PIEZO1: variants seen among roughly 807,000 people sequenced by gnomAD.
The protein encoded by PIEZO1 is piezo-type mechanosensitive ion channel component 1.
PIEZO1 carries 296 observed loss-of-function variants against 297.2 expected under a neutral mutation model. That is an observed-to-expected ratio of 1.00 (90% confidence interval 0.91 to 1.10). The LOEUF is 1.10. Among genes scored for constraint, PIEZO1 ranks in the 50% least tolerant of loss-of-function variants. PIEZO1 has a pLI of 0.00. For missense variants in PIEZO1, 5,018 were observed against 3,455.5 expected, an observed-to-expected ratio of 1.45 and a Z score of -11.34; for synonymous variants, 2,427 against 1,507.5, an observed-to-expected ratio of 1.61 and a Z score of -14.13.
chr16:88,720,332 G>T (rs1912340556), intron 41 of PIEZO1, 49 bp from the exon 42 acceptor site: 1 of 1,549,974 alleles, frequency 6.5e-7, no homozygotes. Flanking sequence ...CAGGGGATGT[G>T]GGTGGCTGCT....
chr16:88,725,094 G>A lies in PIEZO1; in HGVS notation c.4163-14C>T, dbSNP rs372180962. ...GACTGTCGGGCCCTGTGGAGGGGCA[G>A]GGTGAGCATGAGGCAGCAGTCAAGC... On this transcript the variant is annotated splice_polypyrimidine_tract_variant and intron_variant, in intron 29 of 50. Transcript: ENST00000301015. 160 of 1,503,984 alleles carry A rather than the reference G, an allele frequency of 1.1e-4. No homozygotes were observed. In the African/African-American group the frequency reaches 2.0e-3, roughly 19 times the overall value. 93.2% of individuals were successfully genotyped at this position (1,503,984 alleles called of 1,614,324 possible).
At chr16:88,771,096 A>G (rs1350537302) in intron 1 of PIEZO1, among the ~76,000 whole-genome samples, 3 of 152,128 alleles carry the variant, frequency 2.0e-5, no homozygotes, top group African/African-American at 7.2e-5. Flanking sequence ...AGTCCCGGAG[A>G]GCCAGAGCCG....
Position 88,722,630 on chromosome 16 carries a change from C to T in PIEZO1, c.4728G>A (p.Thr1576=), listed in dbSNP as rs527780635. ...DQLYTSQAEA[T]LPGPTEAPNA... ...TGGGGGCCTCGGTGGGGCCTGGCAG[C>T]GTGGCCTCGGCCTGGCTTGTGTACA... The change falls in exon 35 of 51, where the codon ACG becomes ACA. Residue 1576 remains threonine, a synonymous_variant. Coordinates refer to ENST00000301015, the MANE Select transcript of PIEZO1 (RefSeq NM_001142864.4). 9.8e-6 allele frequency: 15 copies of T among 1,538,460 alleles called. No homozygotes were observed. The African/African-American group carries it at 1.5e-4, about 15-fold the overall frequency.
intron 29 of PIEZO1, 68 bp downstream of exon 29, chr16:88,725,348 A>AGCACACGCC: frequency 1.0e-6 from 1 of 979,074 alleles, no homozygotes; most frequent in Non-Finnish European, 1.5e-6. Flanking sequence ...GCACAGACGC[A>AGCACACGCC]GCACACGCCA....
chr16:88,720,428 A>G lies in PIEZO1; in HGVS notation c.5906T>C (p.Val1969Ala), dbSNP rs774144227. ...DVYALMFLAD[V>A]VDFIIIIFGF... ...AAAAATGATGATGATGAAGTCGACA[A>G]CATCAGCCAGGAACATGAGGGCATA... Residue 1969 changes from valine (V) to alanine (A), a missense_variant, in exon 41 of 51, where the codon GTT becomes GCT. By Grantham distance (64) the Val-to-Ala change is moderately conservative. Transcript: ENST00000301015. The G allele has an allele frequency of 2.2e-5, 34 of 1,550,510 alleles. No homozygotes were observed. The highest frequency in any genetic ancestry group is 2.8e-5 in the Non-Finnish European group (32 of 1,146,934).
chr16:88,724,825 G>A (rs1027163101), intron 30 of PIEZO1, among the ~76,000 whole-genome samples, 184 bp downstream of exon 30: 12 of 152,318 alleles, frequency 7.9e-5, no homozygotes, highest in Middle Eastern at 3.4e-3. Flanking sequence ...GCCAGGAGAG[G>A]ACATAGTCAG....
intron 27 of PIEZO1, 168 bp from the exon 28 acceptor site, chr16:88,725,852 T>A (rs1429389551): frequency 1.6e-6 from 1 of 610,794 alleles, no homozygotes; most frequent in Non-Finnish European, 3.0e-6. Flanking sequence ...CTCCGTGCTG[T>A]CTGCGGCGAG....
Position 88,749,033 on chromosome 16 carries a change from C to T in PIEZO1, c.160+351G>A, listed in dbSNP as rs574991755. ...CGGGCGGATCACAAGGTCAGGAGAT[C>T]GAGACCATCCTGGCTATCACGGTGA... On this transcript the variant is annotated intron_variant, in intron 2 of 50. Coordinates refer to ENST00000301015, the MANE Select transcript of PIEZO1 (RefSeq NM_001142864.4). Among the ~76,000 whole-genome samples the T allele has an allele frequency of 6.8e-4, 102 of 150,250 alleles. 1 individual carries two copies. The Middle Eastern group carries it at 0.021, about 31-fold the overall frequency.
chr16:88,740,331 C>T (rs532737192), intron 5 of PIEZO1: 1 of 152,442 alleles, frequency 6.6e-6, no homozygotes, highest in Non-Finnish European at 1.5e-5. Context: ...CAGCTGCACA[C>T]TCAGGCTCCC....
chr16:88,729,653 C>T (rs1425622325), intron 22 of PIEZO1, among the ~76,000 whole-genome samples: 32 of 140,490 alleles, frequency 2.3e-4, no homozygotes, highest in East Asian at 2.1e-3. Context: ...GGGAACCTCG[C>T]GACCCAAAAA....
At chr16:88,726,210 CAGTG>C in intron 27 of PIEZO1, 70 bp downstream of exon 27, 2 of 1,298,242 alleles carry the variant, frequency 1.5e-6, no homozygotes, top group Non-Finnish European at 1.0e-6. Context: ...GGGCCTGAGA[CAGTG>C]AGGAACCTCC....
chr16:88,721,798 C>G lies in PIEZO1; in HGVS notation c.5214+10G>C. 1 of 1,540,338 alleles carries G rather than the reference C, an allele frequency of 6.5e-7. No homozygotes were observed. Among genetic ancestry groups the G allele is most frequent in the Non-Finnish European group, 8.7e-7 (1 of 1,143,264 alleles). ...GGCCGGGCGCCCCCTCCCCCGCGGC[C>G]TCGGCCCACCTCGGTGAAGACGATG... On this transcript the variant is annotated intron_variant, in intron 37 of 50. Transcript: ENST00000301015.
intron 1 of PIEZO1, among the ~76,000 whole-genome samples, chr16:88,771,443 G>A (rs1907421135): frequency 6.6e-6 from 1 of 152,198 alleles, no homozygotes; most frequent in African/African-American, 2.4e-5. Context: ...TGCCCTGCAG[G>A]CCCCAAGCCC....
Position 88,725,399 on chromosome 16 carries a change from A to C in PIEZO1, c.4162+17T>G. 1 of 1,394,160 alleles carries C rather than the reference A, an allele frequency of 7.2e-7. No homozygotes were observed. The highest frequency in any genetic ancestry group is 9.5e-7 in the Non-Finnish European group (1 of 1,057,356). The allele number at this position is 1,394,160 out of a possible 1,614,324, so 86.4% of individuals were successfully genotyped here. A position where few individuals can be genotyped will look rare whatever the true frequency, so the allele number is the denominator to read the frequency against. On this transcript the variant is annotated intron_variant, in intron 29 of 50. Transcript: ENST00000301015. Reference sequence around the variant, plus strand: ...CTGGACACGGGGCCCTGGGTGCCCGACTCCAGCTGCACTCACCTGGCTCCA... The same window carrying C: ...CTGGACACGGGGCCCTGGGTGCCCGCCTCCAGCTGCACTCACCTGGCTCCA...
chr16:88,732,310 G>C, intron 21 of PIEZO1, 25 bp downstream of exon 21: 1 of 1,532,510 alleles, frequency 6.5e-7, no homozygotes, highest in Non-Finnish European at 8.8e-7. Flanking sequence ...CCCTGCCCCA[G>C]GGGGAGGCAA....
Position 88,726,700 on chromosome 16 carries a change from G to GT in PIEZO1, c.3699+14_3699+15insA. 6.5e-7 allele frequency: 1 copy of GT among 1,548,748 alleles called. No homozygotes were observed. The highest frequency in any genetic ancestry group is 1.7e-4 in the Middle Eastern group (1 of 5,962). ...GGGCCCCAGGGCGGTGGGTGCGGGG[G>GT]GGCCGGAGGCTCACCGACAGCATGT... is the stretch of plus-strand genomic sequence containing the variant. On this transcript the variant is annotated intron_variant, in intron 25 of 50. Coordinates refer to ENST00000301015, the MANE Select transcript of PIEZO1 (RefSeq NM_001142864.4).
chr16:88,761,675 C>A (rs916678252), intron 1 of PIEZO1, among the ~76,000 whole-genome samples: 1 of 152,012 alleles, frequency 6.6e-6, no homozygotes, highest in African/African-American at 2.4e-5. Flanking sequence ...AATGCCCCAC[C>A]CCACGCGTGA....
At chr16:88,779,259 G>A (rs1017105904) in intron 1 of PIEZO1, among the ~76,000 whole-genome samples, 5 of 152,012 alleles carry the variant, frequency 3.3e-5, no homozygotes, top group African/African-American at 1.2e-4. Flanking sequence ...GGCTGGTCTC[G>A]AACTCCTGAC....
intron 12 of PIEZO1, 33 bp downstream of exon 12, chr16:88,736,115 C>T (rs796694696): frequency 6.6e-7 from 1 of 1,519,280 alleles, no homozygotes; most frequent in South Asian, 1.2e-5. Flanking sequence ...TCTGCGCACC[C>T]AGGCACCCCC....
Sources: gnomAD v4.1 joint callset for allele counts (sites outside exome capture counted in the v4.1 genomes callset) on GRCh38, gnomAD v4.1.1 for gene constraint, MANE v1.5 for transcripts, NCBI Gene and HGNC (gene_info 2026-07-23, HGNC 2026-07-21) for gene names.